CARMIL1: variants seen among roughly 807,000 people sequenced by gnomAD.
CARMIL1 encodes capping protein regulator and myosin 1 linker 1.
Under a neutral mutation model 177.1 loss-of-function variants are expected in CARMIL1, and 90 were observed. That is an observed-to-expected ratio of 0.51 (90% confidence interval 0.43 to 0.61). The LOEUF (loss-of-function observed/expected upper bound fraction) is 0.61, where lower values mean the gene tolerates loss of function less well. Among genes scored for constraint, CARMIL1 ranks in the 20% least tolerant of loss-of-function variants. The pLI is 0.00. For synonymous variants in CARMIL1, 577 were observed against 606.2 expected, an observed-to-expected ratio of 0.95 and a Z score of 0.71; for missense variants, 1,380 against 1,667.0, an observed-to-expected ratio of 0.83 and a Z score of 3.00.
intron 2 of CARMIL1, among the ~76,000 whole-genome samples, chr6:25,315,934 A>G: frequency 6.6e-6 from 1 of 152,200 alleles, no homozygotes; most frequent in East Asian, 1.9e-4. Flanking sequence ...CCTGTAGTCT[A>G]ACAAGATCTG....
intron 2 of CARMIL1, among the ~76,000 whole-genome samples, chr6:25,382,776 C>T (rs1021965535): frequency 2.6e-5 from 4 of 152,024 alleles, no homozygotes; most frequent in Non-Finnish European, 4.4e-5. Flanking sequence ...AGACACAGGG[C>T]GCTGATTGGT....
At chr6:25,428,472 C>T (rs62392385) in intron 4 of CARMIL1, among the ~76,000 whole-genome samples, 15,105 of 152,152 alleles carry the variant, frequency 0.099, 1,133 homozygotes, top group East Asian at 0.29. Flanking sequence ...AGTCCTCCAA[C>T]GTTTTTCTTC....
intron 31 of CARMIL1, among the ~76,000 whole-genome samples, chr6:25,589,650 G>T (rs759772482): frequency 6.6e-6 from 1 of 152,066 alleles, no homozygotes; most frequent in Non-Finnish European, 1.5e-5. Context: ...ACCACACTCT[G>T]CTAATTTTTG....
In CARMIL1 at chr6:25,409,287, C is replaced by T. The variant is rs553212560; in HGVS notation, c.139-10827C>T. 2.3e-3 allele frequency among the ~76,000 whole-genome samples: 348 copies of T among 152,290 alleles called. 1 individual carries two copies. The highest frequency in any genetic ancestry group is 3.9e-3 in the Non-Finnish European group (262 of 68,032). On this transcript the variant is annotated intron_variant, in intron 2 of 36. Transcript: ENST00000329474. ...TAACTAGCAAGTTTGCACACTGTCTCTGTAGGTCTCACACCTTTGTCCCTG... is the reference window on the plus strand; with the variant it reads ...TAACTAGCAAGTTTGCACACTGTCTTTGTAGGTCTCACACCTTTGTCCCTG...
intron 29 of CARMIL1, among the ~76,000 whole-genome samples, chr6:25,573,278 C>G (rs557711660): frequency 6.6e-6 from 1 of 152,086 alleles, no homozygotes; most frequent in African/African-American, 2.4e-5. Context: ...AAAAAGTGTT[C>G]TGCTGTCTAT....
intron 2 of CARMIL1, among the ~76,000 whole-genome samples, chr6:25,415,684 A>G (rs993535886): frequency 6.6e-6 from 1 of 152,118 alleles, no homozygotes; most frequent in Non-Finnish European, 1.5e-5. Context: ...TCATTGTATA[A>G]TGATGTCAAA....
intron 2 of CARMIL1, among the ~76,000 whole-genome samples, chr6:25,372,517 A>G (rs1339568486): frequency 6.6e-6 from 1 of 151,944 alleles, no homozygotes; most frequent in Non-Finnish European, 1.5e-5. Context: ...TATAAAAGGG[A>G]TTGAGTTCTT....
At chr6:25,297,973 T>C (rs1415870369) in intron 2 of CARMIL1, among the ~76,000 whole-genome samples, 1 of 152,256 alleles carries the variant, frequency 6.6e-6, no homozygotes, top group African/African-American at 2.4e-5. Context: ...TAGGTAAGTG[T>C]GCCTACATTT....
chr6:25,362,925 C>T lies in CARMIL1; in HGVS notation c.139-57189C>T, dbSNP rs572460450. Among the ~76,000 whole-genome samples, 5 of 152,264 alleles carry T rather than the reference C, an allele frequency of 3.3e-5. No individual in the cohort carries two copies. In the South Asian group the frequency reaches 6.2e-4, roughly 19 times the overall value. On this transcript the variant is annotated intron_variant, in intron 2 of 36. Transcript: ENST00000329474. ...TGGCACATGCCTGTAATCCCAGCTACTCTGGGGGCTGAAGCATGAGAATTG... is the reference window on the plus strand; with the variant it reads ...TGGCACATGCCTGTAATCCCAGCTATTCTGGGGGCTGAAGCATGAGAATTG...
intron 2 of CARMIL1, among the ~76,000 whole-genome samples, chr6:25,293,796 A>G (rs987803916): frequency 6.6e-6 from 1 of 151,132 alleles, no homozygotes; most frequent in Admixed American, 6.6e-5. Context: ...ATCTCAACTC[A>G]TTGCAACCTG....
intron 2 of CARMIL1, among the ~76,000 whole-genome samples, chr6:25,286,425 G>A (rs963052523): frequency 6.6e-6 from 1 of 152,196 alleles, no homozygotes; most frequent in African/African-American, 2.4e-5. Flanking sequence ...GCAACAAAAT[G>A]TGCTTATGTA....
chr6:25,546,380 A>G (rs1280607068), intron 26 of CARMIL1, among the ~76,000 whole-genome samples: 1 of 152,132 alleles, frequency 6.6e-6, no homozygotes, highest in Non-Finnish European at 1.5e-5. Flanking sequence ...AATTTGTGTG[A>G]TAAGGTTTCT....
intron 2 of CARMIL1, among the ~76,000 whole-genome samples, chr6:25,324,124 G>A (rs1469429225): frequency 6.6e-6 from 1 of 152,194 alleles, no homozygotes; most frequent in Non-Finnish European, 1.5e-5. Context: ...CCTGTTTAAT[G>A]CCCCACAAAG....
intron 2 of CARMIL1, among the ~76,000 whole-genome samples, chr6:25,390,321 T>TATA (rs1491117122): frequency 2.2e-3 from 85 of 38,138 alleles, no homozygotes; most frequent in Admixed American, 7.9e-3. Flanking sequence ...TATATATATA[T>TATA]TTTTTTTTTT....
At chr6:25,288,109 A>G (rs773672053) in intron 2 of CARMIL1, among the ~76,000 whole-genome samples, 2 of 152,214 alleles carry the variant, frequency 1.3e-5, no homozygotes, top group African/African-American at 4.8e-5. Context: ...CCTGAGAATC[A>G]GGGAAGACTT....
chr6:25,494,083 A>ATAT lies in CARMIL1; in HGVS notation c.1221-1008_1221-1006dup, dbSNP rs145242367. Among the ~76,000 whole-genome samples the ATAT allele has an allele frequency of 6.0e-4, 90 of 149,052 alleles. 1 individual carries two copies. The highest frequency in any genetic ancestry group is 1.5e-3 in the African/African-American group (62 of 40,996). The stretch of plus-strand genomic sequence containing the variant: ...ATTTTCCCAGATCTCTATACATTAA[A>ATAT]TATTATTATTATTATTATTATTTAA... On this transcript the variant is annotated intron_variant, in intron 15 of 36. Coordinates refer to ENST00000329474, the MANE Select transcript of CARMIL1 (RefSeq NM_017640.6).
intron 20 of CARMIL1, among the ~76,000 whole-genome samples, chr6:25,514,149 A>G (rs772197924): frequency 1.1e-4 from 17 of 152,228 alleles, no homozygotes; most frequent in Non-Finnish European, 1.9e-4. Context: ...ATGCAAGACA[A>G]ACAAAACCTG....
intron 7 of CARMIL1, 50 bp downstream of exon 7, chr6:25,450,459 A>G: frequency 6.9e-7 from 1 of 1,452,626 alleles, no homozygotes; most frequent in Non-Finnish European, 9.6e-7. Flanking sequence ...CCTGGAGAAT[A>G]TTCTAATGTT....
intron 2 of CARMIL1, among the ~76,000 whole-genome samples, chr6:25,352,444 A>G (rs1788204302): frequency 6.6e-6 from 1 of 152,062 alleles, no homozygotes; most frequent in Admixed American, 6.6e-5. Flanking sequence ...ACGTCTGTGT[A>G]AGTTAACTAC....
Sources: gnomAD v4.1 joint callset for allele counts (sites outside exome capture counted in the v4.1 genomes callset) on GRCh38, gnomAD v4.1.1 for gene constraint, MANE v1.5 for transcripts, NCBI Gene and HGNC (gene_info 2026-07-23, HGNC 2026-07-21) for gene names.